Variants in GPR158 observed in about 807,000 individuals in gnomAD.
The protein encoded by GPR158 is G protein-coupled receptor 158, also known as metabotropic glycine receptor.
A neutral mutation model predicts 78.2 loss-of-function variants in GPR158; 30 were observed. The observed-to-expected ratio is 0.38, with a 90% CI of 0.29 to 0.52. The LOEUF (loss-of-function observed/expected upper bound fraction) is 0.52. Ranked by LOEUF, GPR158 falls within the 20% of genes least tolerant of loss-of-function variation. The pLI is 0.83. For missense variants in GPR158, 1,463 were observed against 1,523.5 expected (o/e 0.96, Z 0.66); for synonymous variants, 581 against 591.1 (o/e 0.98, Z 0.25).
intron 3 of GPR158, among the ~76,000 whole-genome samples, chr10:25,397,929 A>G (rs1834388354): frequency 6.6e-6 from 1 of 152,224 alleles, no homozygotes. Context: ...AGAATCTTCT[A>G]CTGGCTTTGA....
At chr10:25,397,369 G>A (rs58241618) in intron 3 of GPR158, among the ~76,000 whole-genome samples, 3,818 of 152,220 alleles carry the variant, frequency 0.025, 170 homozygotes, top group African/African-American at 0.087. Context: ...GTGGTAACAG[G>A]GGTGGTTTCA....
intron 7 of GPR158, among the ~76,000 whole-genome samples, chr10:25,580,928 A>ATT (rs1239379922): frequency 1.7e-5 from 2 of 115,936 alleles, no homozygotes; most frequent in Admixed American, 8.1e-5. Context: ...ATTTTATTTT[A>ATT]TTTTTTTGAG....
intron 2 of GPR158, among the ~76,000 whole-genome samples, chr10:25,224,978 G>T (rs898030227): frequency 6.6e-6 from 1 of 151,972 alleles, no homozygotes; most frequent in African/African-American, 2.4e-5. Context: ...ATAGATTTTG[G>T]CAACAAAAAC....
In GPR158 at chr10:25,589,015, T is replaced by A. The variant is rs953441896; in HGVS notation, c.1762T>A (p.Leu588Ile). 1.9e-6 allele frequency: 3 copies of A among 1,555,450 alleles called. No homozygotes were observed. The East Asian group carries it at 6.8e-5, about 35-fold the overall frequency. The change falls in exon 8 of 11, where the codon TTA (leucine) becomes ATA (isoleucine). Residue 588 changes from leucine to isoleucine, a missense_variant. By Grantham distance (5) the Leu-to-Ile change is conservative. Transcript: ENST00000376351. The stretch of plus-strand genomic sequence containing the variant: ...GTTTGTTATTTTCACAGCTGAATTT[T>A]TATTCCTCTTGTGGGGTGTTTATCT... ...WDYMTAVAEF[L>I]FLLWGVYLCY... is the part of the protein sequence containing the mutation.
intron 4 of GPR158, among the ~76,000 whole-genome samples, chr10:25,424,155 T>C (rs1307898167): frequency 6.6e-6 from 1 of 152,214 alleles, no homozygotes; most frequent in Admixed American, 6.5e-5. Flanking sequence ...TTTTTTCATG[T>C]GTCTGTTGGC....
chr10:25,423,113 A>ATATACG (rs1564451141), intron 4 of GPR158, among the ~76,000 whole-genome samples: 5 of 148,110 alleles, frequency 3.4e-5, no homozygotes, highest in Middle Eastern at 3.5e-3. Context: ...ATGTCTACAC[A>ATATACG]TATATACATA....
At chr10:25,293,490 G>T (rs905408808) in intron 2 of GPR158, among the ~76,000 whole-genome samples, 1 of 152,122 alleles carries the variant, frequency 6.6e-6, no homozygotes, top group Admixed American at 6.6e-5. Flanking sequence ...TCTCAAAAAG[G>T]GTTAGCCATT....
chr10:25,326,242 A>G (rs2130485488), intron 2 of GPR158, among the ~76,000 whole-genome samples: 1 of 152,276 alleles, frequency 6.6e-6, no homozygotes, highest in South Asian at 2.1e-4. Flanking sequence ...TGCTGAGGAT[A>G]ATGGCTTCCA....
intron 2 of GPR158, among the ~76,000 whole-genome samples, chr10:25,226,950 T>C (rs1331275700): frequency 6.6e-6 from 1 of 152,180 alleles, no homozygotes; most frequent in Non-Finnish European, 1.5e-5. Flanking sequence ...CAGTCACCCA[T>C]CCCTGCTTTA....
rs1057413193 is a variant in GPR158, at chr10:25,175,590, C to T, written c.170C>T (p.Ser57Phe). 3.7e-6 allele frequency: 6 copies of T among 1,610,770 alleles called. No individual in the cohort carries two copies. The change falls in exon 1 of 11, where the codon TCC (serine) becomes TTC (phenylalanine). Residue 57 changes from serine (S) to phenylalanine (F), a missense_variant. By Grantham distance (155) the Ser-to-Phe change is radical. Coordinates refer to ENST00000376351, the MANE Select transcript of GPR158 (RefSeq NM_020752.3). The surrounding 1 kb of genome is among the most constrained non-coding windows in gnomAD (Gnocchi z 6.4). ...CCGGGTCGAGCCTCTGCCTCGGACT[C>T]CTCGGCTCCCTGGAGCCGCTCCACC... is the stretch of plus-strand genomic sequence containing the variant. ...QQPGRASASD[S>F]SAPWSRSTDG... is the part of the protein sequence containing the mutation.
chr10:25,456,417 C>G (rs1369827706), intron 4 of GPR158, among the ~76,000 whole-genome samples: 1 of 152,204 alleles, frequency 6.6e-6, no homozygotes, highest in Non-Finnish European at 1.5e-5. Context: ...AAGCATACTA[C>G]AGAGGATAGA....
chr10:25,275,728 T>C (rs1337265588), intron 2 of GPR158, among the ~76,000 whole-genome samples: 3 of 152,186 alleles, frequency 2.0e-5, no homozygotes, highest in Admixed American at 6.5e-5. Flanking sequence ...TTTTTAAAAA[T>C]TCATATAACT....
chr10:25,487,329 A>T (rs1232453770), intron 5 of GPR158, among the ~76,000 whole-genome samples: 1 of 152,160 alleles, frequency 6.6e-6, no homozygotes, highest in Non-Finnish European at 1.5e-5. Flanking sequence ...TTGCACTTCT[A>T]TACGAGGACT....
intron 2 of GPR158, among the ~76,000 whole-genome samples, chr10:25,221,537 A>T (rs1009015193): frequency 3.9e-5 from 6 of 152,222 alleles, no homozygotes; most frequent in African/African-American, 1.4e-4. Flanking sequence ...ATTCATTCAG[A>T]CACACTGCTA....
intron 5 of GPR158, among the ~76,000 whole-genome samples, chr10:25,515,637 G>C (rs1217783401): frequency 6.9e-6 from 1 of 144,912 alleles, no homozygotes; most frequent in African/African-American, 2.6e-5. Context: ...TTTTGTTCTT[G>C]TGATAGTTTA....
At chr10:25,527,339 G>A (rs947438911) in intron 5 of GPR158, among the ~76,000 whole-genome samples, 5 of 151,556 alleles carry the variant, frequency 3.3e-5, no homozygotes, top group African/African-American at 4.8e-5. Context: ...ATAACCATAT[G>A]GTATACCATA....
rs1384680035 is a variant in GPR158 at position 25,281,720 on chromosome 10, G to GA, written c.1008+60567dup. On this transcript the variant is annotated intron_variant, in intron 2 of 10. Coordinates refer to ENST00000376351, the MANE Select transcript of GPR158 (RefSeq NM_020752.3). ...GTATGTAACTAACATAAGAAGCTTA[G>GA]AAAAGAGTAGAATAAGCCAAGAGAA... Among the ~76,000 whole-genome samples, 11 of 152,182 alleles carry GA rather than the reference G, an allele frequency of 7.2e-5. No homozygotes were observed. In the East Asian group the frequency reaches 1.5e-3, roughly 21 times the overall value.
intron 2 of GPR158, among the ~76,000 whole-genome samples, chr10:25,343,006 A>C (rs1236577715): frequency 6.6e-6 from 1 of 151,924 alleles, no homozygotes; most frequent in Non-Finnish European, 1.5e-5. Context: ...GACACTGATC[A>C]AGTAAAATAT....
At chr10:25,448,305 T>A (rs1363908473) in intron 4 of GPR158, among the ~76,000 whole-genome samples, 1 of 152,002 alleles carries the variant, frequency 6.6e-6, no homozygotes, top group East Asian at 1.9e-4. Flanking sequence ...TTAGCCAGGA[T>A]GGTCTCGATC....
Sources: allele counts gnomAD v4.1 joint callset (sites outside exome capture counted in the v4.1 genomes callset), GRCh38; gene constraint gnomAD v4.1.1; non-coding constraint Gnocchi (gnomAD v3.1); transcripts MANE v1.5; gene names NCBI Gene and HGNC (gene_info 2026-07-23, HGNC 2026-07-21).